RYR3: variants seen among roughly 807,000 people sequenced by gnomAD.
The protein encoded by RYR3 is brain ryanodine receptor-calcium release channel.
In RYR3, 207 loss-of-function variants were observed where a neutral mutation model predicts 584.3. That is an observed-to-expected ratio of 0.35 (90% CI 0.32 to 0.40). The LOEUF (loss-of-function observed/expected upper bound fraction) is 0.40, where lower values mean the gene tolerates loss of function less well. RYR3 is among the 10% of genes least tolerant of loss of function. RYR3 has a pLI of 1.00. For synonymous variants in RYR3, 2,416 were observed against 2,248.5 expected, an observed-to-expected ratio of 1.07 and a Z score of -2.11; for missense variants, 5,616 against 6,089.2, an observed-to-expected ratio of 0.92 and a Z score of 2.59.
rs549434547 is a variant in RYR3 at position 33,416,392 on chromosome 15, C to T, written c.52-57027C>T. Among the ~76,000 whole-genome samples the T allele has an allele frequency of 2.7e-3, 410 of 152,244 alleles. 1 individual carries two copies. Among genetic ancestry groups the T allele is most frequent in the African/African-American group, 9.4e-3 (390 of 41,534 alleles). ...TATTTTTTGACTTTTTAATAGTAGC[C>T]ATTCTGACTGGTGTGAGATGGTATC... On this transcript the variant is annotated intron_variant, in intron 1 of 103. Transcript: ENST00000634891.
intron 70 of RYR3, chr15:33,807,828 CCA>C: frequency 1.9e-6 from 1 of 533,056 alleles, no homozygotes. Flanking sequence ...GCTCCCTTCT[CCA>C]GCTGCCCTCT....
At chr15:33,392,282 T>C (rs1446453182) in intron 1 of RYR3, among the ~76,000 whole-genome samples, 2 of 151,118 alleles carry the variant, frequency 1.3e-5, no homozygotes, top group African/African-American at 4.9e-5. Context: ...TGTCTTAGGG[T>C]GAACCTTTCC....
At chr15:33,725,976 C>CCGCCCAA (rs1555427643) in intron 45 of RYR3, among the ~76,000 whole-genome samples, 1 of 31,516 alleles carries the variant, frequency 3.2e-5, no homozygotes, top group African/African-American at 1.1e-4. Context: ...TCCCCCCCCC[C>CCGCCCAA]AAAAAAAAAA....
chr15:33,768,302 G>A lies in RYR3; in HGVS notation c.8706-356G>A, dbSNP rs980522851. On this transcript the variant is annotated intron_variant, in intron 60 of 103. Coordinates refer to ENST00000634891, the MANE Select transcript of RYR3 (RefSeq NM_001036.6). The stretch of plus-strand genomic sequence containing the variant: ...CAAGGGGAAAATCATGCTTTTTTCC[G>A]GAGTCTTCATTTATCCCTGAATGTC... Among the ~76,000 whole-genome samples, 8 of 152,244 alleles carry A rather than the reference G, an allele frequency of 5.3e-5. No homozygotes were observed. The East Asian group carries it at 1.4e-3, about 26-fold the overall frequency.
rs78761897 is a variant in RYR3 at position 33,526,898 on chromosome 15, A to G, written c.280-3694A>G. On this transcript the variant is annotated intron_variant, in intron 3 of 103. Coordinates refer to ENST00000634891, the MANE Select transcript of RYR3 (RefSeq NM_001036.6). ...GATTGTTCTTTTAGAAGACTTGACC[A>G]GAGAAGAATTCTCTCATAAGATGTT... is the stretch of plus-strand genomic sequence containing the variant. Among the ~76,000 whole-genome samples, 1,112 of 152,330 alleles carry G rather than the reference A, an allele frequency of 7.3e-3. 17 individuals carry two copies. The highest frequency in any genetic ancestry group is 0.025 in the African/African-American group (1,056 of 41,566).
At position 33,557,351 on chromosome 15, in the gene RYR3, C is replaced by A. The variant is rs554933507; in HGVS notation, c.973-5486C>A. On this transcript the variant is annotated intron_variant, in intron 10 of 103. Transcript: ENST00000634891. ...GCGCAATACCTAGTTTGAACCAGAC[C>A]GGGGCAACTATTGGTTCTAGTTTCT... Among the ~76,000 whole-genome samples the A allele has an allele frequency of 1.1e-3, 165 of 152,210 alleles. 1 individual carries two copies. In the Middle Eastern group the frequency reaches 0.024, roughly 22 times the overall value.
intron 1 of RYR3, among the ~76,000 whole-genome samples, chr15:33,333,111 C>T (rs1221062285): frequency 7.1e-6 from 1 of 141,140 alleles, no homozygotes; most frequent in Non-Finnish European, 1.5e-5. Context: ...GATGGATTCA[C>T]AGCTGAATTC....
chr15:33,394,695 G>A (rs2042198705), intron 1 of RYR3, among the ~76,000 whole-genome samples: 1 of 152,174 alleles, frequency 6.6e-6, no homozygotes, highest in Non-Finnish European at 1.5e-5. Context: ...CTGAAATGAT[G>A]CTGTATAGAA....
intron 3 of RYR3, among the ~76,000 whole-genome samples, chr15:33,517,292 C>T (rs1043837796): frequency 5.3e-5 from 8 of 152,210 alleles, no homozygotes; most frequent in African/African-American, 1.9e-4. Context: ...TGTGCCCAGC[C>T]TCTTCTACCT....
intron 81 of RYR3, among the ~76,000 whole-genome samples, chr15:33,825,240 C>T (rs555575845): frequency 9.7e-5 from 14 of 143,956 alleles, no homozygotes; most frequent in African/African-American, 2.0e-4. Flanking sequence ...AACTTTCCCT[C>T]GAGAAATCTT....
intron 1 of RYR3, among the ~76,000 whole-genome samples, chr15:33,339,611 C>T (rs952249122): frequency 3.3e-5 from 5 of 152,132 alleles, no homozygotes; most frequent in Admixed American, 1.3e-4. Flanking sequence ...CATTACCGGC[C>T]GGGCGCGGTG....
chr15:33,586,544 T>C (rs982304789), intron 16 of RYR3, among the ~76,000 whole-genome samples: 2 of 152,174 alleles, frequency 1.3e-5, no homozygotes, highest in African/African-American at 4.8e-5. Context: ...TGGTTTGTTA[T>C]TAAACAAAAT....
In RYR3 at chr15:33,337,550, AC is replaced by A. The variant is rs1447372130; in HGVS notation, c.51+26455del. On this transcript the variant is annotated intron_variant, in intron 1 of 103. Coordinates refer to ENST00000634891, the MANE Select transcript of RYR3 (RefSeq NM_001036.6). ...TTATTAATTTTCAGAAAGGAAAATT[AC>A]AATCCAAGTGCCATTTTTTTTTGCA... Among the ~76,000 whole-genome samples, 3 of 114,214 alleles carry A rather than the reference AC, an allele frequency of 2.6e-5. No individual in the cohort carries two copies. The East Asian group carries it at 7.5e-4, about 29-fold the overall frequency. The allele number at this position is 114,214 out of a possible 152,430, so 74.9% of individuals were successfully genotyped here.
chr15:33,369,453 C>T (rs1009589469), intron 1 of RYR3, among the ~76,000 whole-genome samples: 1 of 152,200 alleles, frequency 6.6e-6, no homozygotes, highest in Non-Finnish European at 1.5e-5. Flanking sequence ...ATGCTGCCTC[C>T]TCCATGAAGG....
chr15:33,646,156 C>T, intron 28 of RYR3, 195 bp from the exon 29 acceptor site: 1 of 491,428 alleles, frequency 2.0e-6, no homozygotes, highest in Non-Finnish European at 3.6e-6. Context: ...ATTTCCCTAG[C>T]CAGGAGCAGA....
intron 12 of RYR3, among the ~76,000 whole-genome samples, chr15:33,570,626 C>T (rs2057974740): frequency 6.6e-6 from 1 of 152,020 alleles, no homozygotes; most frequent in Admixed American, 6.6e-5. Flanking sequence ...AAAAAAAATT[C>T]TGCTGGAATT....
chr15:33,419,834 T>C (rs2044106162), intron 1 of RYR3, among the ~76,000 whole-genome samples: 1 of 152,188 alleles, frequency 6.6e-6, no homozygotes, highest in African/African-American at 2.4e-5. Flanking sequence ...GCGCTGGTGT[T>C]GATGTACTAC....
At chr15:33,429,561 C>T (rs972298563) in intron 1 of RYR3, among the ~76,000 whole-genome samples, 1 of 152,154 alleles carries the variant, frequency 6.6e-6, no homozygotes, top group African/African-American at 2.4e-5. Context: ...CCATTGCTGT[C>T]TCTAATGTTT....
rs763681001 is a variant in RYR3 at position 33,662,554 on chromosome 15, C to A, written c.5024C>A (p.Thr1675Asn). The A allele has an allele frequency of 1.2e-6, 2 of 1,614,036 alleles. No homozygotes were observed. The highest frequency in any genetic ancestry group is 1.7e-5 in the Admixed American group (1 of 60,022). The change falls in exon 35 of 104, where the codon ACT becomes AAT. Residue 1675 changes from threonine (T) to asparagine (N), a missense_variant. Around this residue, in one of 9 missense-constraint regions of RYR3, gnomAD observed 753 missense variants for 741.0 expected, o/e 1.02. Transcript: ENST00000634891. ...TTCTCCACCCCTTGCTTTGTTGTGA[C>A]TGGTGAGGATCACCAAAAGCAGAGC... Reference protein sequence around the residue: ...FRFSTPCFVVTGEDHQKQSPE... With the variant: ...FRFSTPCFVVNGEDHQKQSPE...
Sources: allele counts gnomAD v4.1 joint callset (sites outside exome capture counted in the v4.1 genomes callset), GRCh38; gene constraint gnomAD v4.1.1; regional missense constraint gnomAD v4.1.1; transcripts MANE v1.5; gene names NCBI Gene and HGNC (gene_info 2026-07-23, HGNC 2026-07-21).